ZBTB8A: variants seen among roughly 807,000 people sequenced by gnomAD.
ZBTB8A encodes the protein zinc finger and BTB domain containing 8A, also known as zinc finger and BTB domain-containing protein 8A.
In ZBTB8A, 19 loss-of-function variants were observed where a neutral mutation model predicts 37.8. The observed-to-expected ratio is 0.50, with a 90% CI of 0.35 to 0.74. The LOEUF (loss-of-function observed/expected upper bound fraction) is 0.74, where lower values mean the gene tolerates loss of function less well. Among genes scored for constraint, ZBTB8A ranks in the 30% least tolerant of loss-of-function variants. ZBTB8A has a pLI of 0.01. For missense variants in ZBTB8A, 394 were observed against 537.8 expected (o/e 0.73, Z 2.65); for synonymous variants, 181 against 185.2 (o/e 0.98, Z 0.19).
intron 1 of ZBTB8A, among the ~76,000 whole-genome samples, chr1:32,540,656 T>C (rs1644045527): frequency 6.6e-6 from 1 of 152,150 alleles, no homozygotes. Context: ...TTCCCTGCTC[T>C]AAAAACCTTA....
chr1:32,580,109 C>A (rs532251766), intron 2 of ZBTB8A, among the ~76,000 whole-genome samples: 186 of 152,036 alleles, frequency 1.2e-3, no homozygotes, highest in African/African-American at 4.3e-3. Context: ...ACCTATAATC[C>A]CAGAACTTGA....
At chr1:32,582,374 G>A (rs1027502115) in intron 2 of ZBTB8A, among the ~76,000 whole-genome samples, 1 of 152,052 alleles carries the variant, frequency 6.6e-6, no homozygotes, top group Non-Finnish European at 1.5e-5. Flanking sequence ...CTGGCTGGGT[G>A]CAGTGGCTTA....
At chr1:32,580,028 A>G (rs12116436) in intron 2 of ZBTB8A, among the ~76,000 whole-genome samples, 12,110 of 152,090 alleles carry the variant, frequency 0.08, 512 homozygotes, top group African/African-American at 0.13. Context: ...TAGTATTGAT[A>G]TTTTCCTGGT....
At chr1:32,598,406 T>C (rs1007610939) in intron 4 of ZBTB8A, among the ~76,000 whole-genome samples, 2 of 151,504 alleles carry the variant, frequency 1.3e-5, no homozygotes, top group African/African-American at 4.9e-5. Flanking sequence ...CTAAGTTTTG[T>C]ATTTTTTTTT....
chr1:32,583,893 G>A (rs535137075), intron 2 of ZBTB8A, among the ~76,000 whole-genome samples: 16 of 152,012 alleles, frequency 1.1e-4, no homozygotes, highest in Admixed American at 3.3e-4. Flanking sequence ...ACAGAGGCCC[G>A]CCACCATGCC....
chr1:32,555,494 G>A lies in ZBTB8A; in HGVS notation c.-2+1954G>A, dbSNP rs77338267. 7.2e-5 allele frequency among the ~76,000 whole-genome samples: 11 copies of A among 152,286 alleles called. No individual in the cohort carries two copies. In the East Asian group the frequency reaches 1.7e-3, roughly 24 times the overall value. The stretch of plus-strand genomic sequence containing the variant: ...ACTGCCTGTTGGCCCTTTAACCCCT[G>A]TACTGCATCTGTCTTGAAATTCTCC... On this transcript the variant is annotated intron_variant, in intron 2 of 4. Transcript: ENST00000373510.
intron 2 of ZBTB8A, among the ~76,000 whole-genome samples, chr1:32,571,974 G>T (rs1208613974): frequency 6.6e-6 from 1 of 151,816 alleles, no homozygotes; most frequent in African/African-American, 2.4e-5. Flanking sequence ...AACAATCTTG[G>T]CTCACTACAA....
chr1:32,577,286 C>T (rs951840789), intron 2 of ZBTB8A, among the ~76,000 whole-genome samples: 2 of 151,758 alleles, frequency 1.3e-5, no homozygotes, highest in Non-Finnish European at 2.9e-5. Context: ...TCTTCACCTC[C>T]CAGGTTCAAG....
chr1:32,591,219 T>A (rs1011617623), intron 2 of ZBTB8A, among the ~76,000 whole-genome samples: 1 of 150,840 alleles, frequency 6.6e-6, no homozygotes, highest in Non-Finnish European at 1.5e-5. Context: ...TAATTTAACT[T>A]TTTTAGAGAC....
chr1:32,539,723 CCGGGAGCGCGGCGGGAG>C (rs1387385844), intron 1 of ZBTB8A, among the ~76,000 whole-genome samples, 151 bp downstream of exon 1: 5 of 446 alleles, frequency 0.011, no homozygotes, highest in Non-Finnish European at 0.021. Context: ...CGTCCCCGGG[CCGGGAGCGCGGCGGGAG>C]GCGCCCGGGA....
At chr1:32,561,200 AT>A (rs1329284146) in intron 2 of ZBTB8A, among the ~76,000 whole-genome samples, 1 of 151,392 alleles carries the variant, frequency 6.6e-6, no homozygotes, top group Non-Finnish European at 1.5e-5. Context: ...CTTACTTCCT[AT>A]TTTGTGATTA....
intron 2 of ZBTB8A, among the ~76,000 whole-genome samples, chr1:32,563,053 C>T (rs1644255176): frequency 6.6e-6 from 1 of 152,058 alleles, no homozygotes. Flanking sequence ...TACTGAGTAC[C>T]TCATTCTTTA....
intron 1 of ZBTB8A, among the ~76,000 whole-genome samples, chr1:32,539,773 G>A (rs1644035543): frequency 6.8e-6 from 1 of 146,546 alleles, no homozygotes; most frequent in Non-Finnish European, 1.5e-5. Context: ...CAATGGCCGC[G>A]CCGTCGCCGC....
intron 2 of ZBTB8A, among the ~76,000 whole-genome samples, chr1:32,571,456 A>AT (rs532528767): frequency 8.2e-4 from 123 of 150,442 alleles, no homozygotes; most frequent in East Asian, 5.5e-3. Flanking sequence ...AGATAGCCTT[A>AT]TTTTTTTTTG....
chr1:32,581,211 T>A (rs1384898021), intron 2 of ZBTB8A, among the ~76,000 whole-genome samples: 6 of 774 alleles, frequency 7.8e-3, no homozygotes, highest in African/African-American at 0.024. Flanking sequence ...TATTATATAT[T>A]ATATATAATA....
chr1:32,540,741 G>A (rs1644046420), intron 1 of ZBTB8A, among the ~76,000 whole-genome samples: 1 of 152,282 alleles, frequency 6.6e-6, no homozygotes, highest in Middle Eastern at 3.4e-3. Context: ...CATGCCTCAG[G>A]TATGGATGCG....
intron 2 of ZBTB8A, 149 bp downstream of exon 2, chr1:32,553,689 C>T (rs975854766): frequency 2.6e-5 from 4 of 151,122 alleles, no homozygotes; most frequent in African/African-American, 9.7e-5. Context: ...GAGTTCGAGA[C>T]CAACCTGACC....
intron 2 of ZBTB8A, among the ~76,000 whole-genome samples, chr1:32,570,876 A>C (rs866143055): frequency 2.3e-4 from 35 of 149,374 alleles, no homozygotes; most frequent in Admixed American, 2.7e-4. Context: ...TATGCCTGTT[A>C]TTTCTTTTTT....
At chr1:32,567,128 C>A (rs1334960611) in intron 2 of ZBTB8A, among the ~76,000 whole-genome samples, 1 of 152,110 alleles carries the variant, frequency 6.6e-6, no homozygotes, top group African/African-American at 2.4e-5. Context: ...CATGACTGGG[C>A]AGGCCTCAGG....
Sources: gnomAD v4.1 joint callset for allele counts (sites outside exome capture counted in the v4.1 genomes callset) on GRCh38, gnomAD v4.1.1 for gene constraint, MANE v1.5 for transcripts, NCBI Gene and HGNC (gene_info 2026-07-23, HGNC 2026-07-21) for gene names.